NIT2: variants seen among roughly 807,000 people sequenced by gnomAD.
NIT2 encodes the protein nitrilase family member 2, also known as omega-amidase NIT2.
In NIT2, 46 loss-of-function variants were observed where a neutral mutation model predicts 42.7. That is an observed-to-expected ratio of 1.08 (90% CI 0.85 to 1.38). NIT2 has a LOEUF of 1.38. Among genes scored for constraint, NIT2 ranks in the 40% most tolerant of loss-of-function variants. The pLI is 0.00. For synonymous variants in NIT2, 123 were observed against 121.9 expected (o/e 1.01, Z -0.06); for missense variants, 309 against 342.5 (o/e 0.90, Z 0.77).
intron 3 of NIT2, 82 bp from the exon 4 acceptor site, chr3:100,340,991 A>T (rs566613942): frequency 1.1e-6 from 1 of 914,940 alleles, no homozygotes; most frequent in Non-Finnish European, 1.7e-6. Context: ...TTTTGGACCC[A>T]AGTTATCAGG....
At chr3:100,354,499 T>G (rs991453267) in intron 8 of NIT2, among the ~76,000 whole-genome samples, 5 of 152,228 alleles carry the variant, frequency 3.3e-5, no homozygotes, top group African/African-American at 1.2e-4. Flanking sequence ...CTCCTAGTGA[T>G]TTGCAATTTA....
chr3:100,348,714 C>T lies in NIT2; in HGVS notation c.506-89C>T, dbSNP rs1706242237. 3.0e-6 allele frequency: 3 copies of T among 998,086 alleles called. No homozygotes were observed. The East Asian group carries it at 7.3e-5, about 24-fold the overall frequency. The allele number at this position is 998,086 out of a possible 1,614,324, so 61.8% of individuals were successfully genotyped here. A position where few individuals can be genotyped will look rare whatever the true frequency, so the allele number is the denominator to read the frequency against. ...TTTTATGTTTGGGAAAGTTTGAGTT[C>T]AGTTCCTGCTAGATAAGGAACAGTG... On this transcript the variant is annotated intron_variant, in intron 6 of 9. Coordinates refer to ENST00000394140, the MANE Select transcript of NIT2 (RefSeq NM_020202.5).
rs2148886198 is a variant in NIT2 at position 100,358,960 on chromosome 3, G to T, written c.*3692G>T. On this transcript the variant is annotated 3_prime_UTR_variant, in exon 10 of 10. Coordinates refer to ENST00000394140, the MANE Select transcript of NIT2 (RefSeq NM_020202.5). ...TGTGTGTGCTGCAGGCTAAACAGGG[G>T]CTCTTCCTTATGCCTCATAACCACC... is the stretch of plus-strand genomic sequence containing the variant. 6.6e-6 allele frequency: 1 copy of T among 152,272 alleles called. No homozygotes were observed. The highest frequency in any genetic ancestry group is 2.4e-5 in the African/African-American group (1 of 41,546). The allele number at this position is 152,272 out of a possible 1,614,324, so 9.4% of individuals were successfully genotyped here.
intron 4 of NIT2, among the ~76,000 whole-genome samples, chr3:100,344,876 C>T: frequency 6.6e-6 from 1 of 151,700 alleles, no homozygotes; most frequent in East Asian, 1.9e-4. Context: ...GAACTCCTGA[C>T]CTCAGGTGAT....
chr3:100,356,043 G>C lies in NIT2; in HGVS notation c.*775G>C, dbSNP rs767430222. 4 of 152,208 alleles carry C rather than the reference G, an allele frequency of 2.6e-5. No homozygotes were observed. The highest frequency in any genetic ancestry group is 4.4e-5 in the Non-Finnish European group (3 of 68,048). 9.4% of individuals were successfully genotyped at this position (152,208 alleles called of 1,614,324 possible). A position where few individuals can be genotyped will look rare whatever the true frequency, so the allele number is the denominator to read the frequency against. On this transcript the variant is annotated 3_prime_UTR_variant, in exon 10 of 10. Transcript: ENST00000394140. ...CACTGAACCTAGTAGTTCTTAGACAGCTTGGTTTGAGAATCCTTTTGCGGT... is the reference window on the plus strand; with the variant it reads ...CACTGAACCTAGTAGTTCTTAGACACCTTGGTTTGAGAATCCTTTTGCGGT...
rs745396779 is a variant in NIT2 at position 100,336,459 on chromosome 3, C to T, written c.7+1661C>T. The stretch of plus-strand genomic sequence containing the variant: ...GCCCAGGGGACCAGCGTTCGGCATA[C>T]GGAGGATCCCGTCGGCCTCTGAGTT... On this transcript the variant is annotated intron_variant, in intron 1 of 9. Coordinates refer to ENST00000394140, the MANE Select transcript of NIT2 (RefSeq NM_020202.5). 8.8e-4 allele frequency among the ~76,000 whole-genome samples: 134 copies of T among 152,120 alleles called. 3 individuals carry two copies. Among genetic ancestry groups the T allele is most frequent in the Non-Finnish European group, 2.5e-4 (17 of 67,998 alleles).
At chr3:100,348,778 GTTC>G (rs1423263903) in intron 6 of NIT2, 22 bp from the exon 7 acceptor site, 2 of 1,608,306 alleles carry the variant, frequency 1.2e-6, no homozygotes, top group Non-Finnish European at 1.7e-6. Flanking sequence ...TGCATCCACT[GTTC>G]TTTGGCTTTT....
rs1312693800 is a variant in NIT2, at chr3:100,354,888, C to T, written c.739+61C>T. On this transcript the variant is annotated intron_variant, in intron 9 of 9. Transcript: ENST00000394140. ...GTCCCCATTGTTCTGAGGCCAGACT[C>T]CATGGCTGGGAAGTCCCTGTCATTT... 8.6e-6 allele frequency: 12 copies of T among 1,393,040 alleles called. No individual in the cohort carries two copies. The Admixed American group carries it at 2.0e-4, about 23-fold the overall frequency. 86.3% of individuals were successfully genotyped at this position (1,393,040 alleles called of 1,614,324 possible). A position where few individuals can be genotyped will look rare whatever the true frequency, so the allele number is the denominator to read the frequency against.
chr3:100,343,422 A>G (rs1290487634), intron 4 of NIT2, among the ~76,000 whole-genome samples: 1 of 152,032 alleles, frequency 6.6e-6, no homozygotes, highest in African/African-American at 2.4e-5. Flanking sequence ...TCTACAGATT[A>G]GATAATTTCT....
At chr3:100,342,441 G>GAAAAGATACAGA (rs1304595736) in intron 4 of NIT2, among the ~76,000 whole-genome samples, 2 of 148,940 alleles carry the variant, frequency 1.3e-5, no homozygotes, top group Non-Finnish European at 3.0e-5. Context: ...CATCTTTTCT[G>GAAAAGATACAGA]TATTATTTTG....
intron 7 of NIT2, 115 bp from the exon 8 acceptor site, chr3:100,352,289 C>A: frequency 1.4e-6 from 1 of 719,078 alleles, no homozygotes; most frequent in Non-Finnish European, 2.3e-6. Flanking sequence ...CTTCCTTCTA[C>A]ATCTGAGTTA....
chr3:100,347,391 C>T (rs1162551521), intron 6 of NIT2, among the ~76,000 whole-genome samples: 1 of 152,132 alleles, frequency 6.6e-6, no homozygotes, highest in Non-Finnish European at 1.5e-5. Context: ...CCACCGCACC[C>T]AGCCAGAGCT....
At position 100,356,435 on chromosome 3, in the gene NIT2, A is replaced by G. The variant is rs1194845197; in HGVS notation, c.*1167A>G. 6.6e-6 allele frequency: 1 copy of G among 152,106 alleles called. No homozygotes were observed. Among genetic ancestry groups the G allele is most frequent in the African/African-American group, 2.4e-5 (1 of 41,464 alleles). The allele number at this position is 152,106 out of a possible 1,614,324, so 9.4% of individuals were successfully genotyped here. A position where few individuals can be genotyped will look rare whatever the true frequency, so the allele number is the denominator to read the frequency against. ...AGCACACCACTGGTTTAAGATAGAT[A>G]TATCATATAGATATTTACCATTTAC... On this transcript the variant is annotated 3_prime_UTR_variant, in exon 10 of 10. Transcript: ENST00000394140.
intron 1 of NIT2, among the ~76,000 whole-genome samples, chr3:100,337,616 G>A (rs1026017885): frequency 6.6e-6 from 1 of 152,064 alleles, no homozygotes; most frequent in Non-Finnish European, 1.5e-5. Context: ...ACCACACCTG[G>A]CTAATTTTTG....
At chr3:100,336,010 G>A (rs891234797) in intron 1 of NIT2, among the ~76,000 whole-genome samples, 1 of 152,186 alleles carries the variant, frequency 6.6e-6, no homozygotes, top group Non-Finnish European at 1.5e-5. Context: ...GTTTGCCCCA[G>A]AATAATCCCA....
At position 100,355,531 on chromosome 3, in the gene NIT2, T is replaced by A. The variant is rs562076171; in HGVS notation, c.*263T>A. ...ATACTTAAGTTGCCTCCAAGCAGTT[T>A]GTGAAAGTATCAGATCTTGGTATCC... is the stretch of plus-strand genomic sequence containing the variant. On this transcript the variant is annotated 3_prime_UTR_variant, in exon 10 of 10. Coordinates refer to ENST00000394140, the MANE Select transcript of NIT2 (RefSeq NM_020202.5). The A allele has an allele frequency of 1.1e-5, 4 of 369,848 alleles. No homozygotes were observed. The highest frequency in any genetic ancestry group is 1.9e-5 in the Non-Finnish European group (4 of 206,816). 22.9% of individuals were successfully genotyped at this position (369,848 alleles called of 1,614,324 possible). A position where few individuals can be genotyped will look rare whatever the true frequency, so the allele number is the denominator to read the frequency against.
intron 8 of NIT2, among the ~76,000 whole-genome samples, 186 bp from the exon 9 acceptor site, chr3:100,354,586 T>A (rs1363553632): frequency 6.6e-6 from 1 of 152,212 alleles, no homozygotes; most frequent in East Asian, 1.9e-4. Context: ...GAAATGGAGA[T>A]TTAAAATGCC....
rs1461135968 is a variant in NIT2, at chr3:100,359,730, G to A, written c.*4462G>A. 1 of 152,124 alleles carries A rather than the reference G, an allele frequency of 6.6e-6. No individual in the cohort carries two copies. Among genetic ancestry groups the A allele is most frequent in the Non-Finnish European group, 1.5e-5 (1 of 68,032 alleles). 9.4% of individuals were successfully genotyped at this position (152,124 alleles called of 1,614,324 possible). ...GCTACATGCATGGTCTTCAATATAT[G>A]CCGATAATTCTCATTCACATAGCTC... is the stretch of plus-strand genomic sequence containing the variant. On this transcript the variant is annotated 3_prime_UTR_variant, in exon 10 of 10. Transcript: ENST00000394140.
chr3:100,353,594 C>T (rs955048879), intron 8 of NIT2, among the ~76,000 whole-genome samples: 3 of 152,140 alleles, frequency 2.0e-5, no homozygotes, highest in South Asian at 2.1e-4. Context: ...AATTCAGTTA[C>T]GTGTCATAAA....
Sources: allele counts gnomAD v4.1 joint callset (sites outside exome capture counted in the v4.1 genomes callset), GRCh38; gene constraint gnomAD v4.1.1; transcripts MANE v1.5; gene names NCBI Gene and HGNC (gene_info 2026-07-23, HGNC 2026-07-21).